The following ZNF837 variants were observed in gnomAD, a reference collection of about 807,000 sequenced individuals.
The protein encoded by ZNF837 is zinc finger protein 837.
For missense variants in ZNF837, 955 were observed against 801.7 expected, an observed-to-expected ratio of 1.19 and a Z score of -2.31; for synonymous variants, 475 against 365.2, an observed-to-expected ratio of 1.30 and a Z score of -3.43.
In ZNF837 at chr19:58,368,466, GTGC is replaced by G; in HGVS notation, c.864_866del (p.Gln288del). 1 of 1,570,528 alleles carries G rather than the reference GTGC, an allele frequency of 6.4e-7. No homozygotes were observed. Among genetic ancestry groups the G allele is most frequent in the Non-Finnish European group, 8.6e-7 (1 of 1,159,910 alleles). ...GCCGCTCGCCCGTGTGGATGCGCTG[GTGC>G]TGCAGCAGGCTGGAGGTGCGCGTGA... On this transcript the variant is annotated inframe_deletion, in exon 3 of 3. Transcript: ENST00000597582.
rs1453945080 is a variant in ZNF837 at position 58,368,305 on chromosome 19, G to A, written c.1028C>T (p.Pro343Leu). Residue 343 changes from proline to leucine, a missense_variant, in exon 3 of 3, where the codon CCC (proline) becomes CTC (leucine). By Grantham distance (98) the Pro-to-Leu change is moderately conservative. Coordinates refer to ENST00000597582, the MANE Select transcript of ZNF837 (RefSeq NM_138466.2). The part of the protein sequence containing the change: ...ARRAFRLGCP[P>L]CGDYSERSPR... ...ACTCCGCTCGCTGTAGTCCCCGCAG[G>A]GCGGGCACCCCAGCCGGAAGGCGCG... 7 of 1,486,108 alleles carry A rather than the reference G, an allele frequency of 4.7e-6. No homozygotes were observed. The highest frequency in any genetic ancestry group is 6.2e-6 in the Non-Finnish European group (7 of 1,127,742). 92.1% of individuals were successfully genotyped at this position (1,486,108 alleles called of 1,614,324 possible). A position where few individuals can be genotyped will look rare whatever the true frequency, so the allele number is the denominator to read the frequency against.
At position 58,369,109 on chromosome 19, in the gene ZNF837, C is replaced by T. The variant is rs2052175766; in HGVS notation, c.224G>A (p.Gly75Asp). The T allele has an allele frequency of 6.7e-7, 1 of 1,500,328 alleles. No homozygotes were observed. Among genetic ancestry groups the T allele is most frequent in the Non-Finnish European group, 8.9e-7 (1 of 1,125,482 alleles). The allele number at this position is 1,500,328 out of a possible 1,614,324, so 92.9% of individuals were successfully genotyped here. Residue 75 changes from glycine (G) to aspartate (D), a missense_variant, in exon 3 of 3, where the codon GGC (glycine) becomes GAC (aspartate). Transcript: ENST00000597582. The stretch of plus-strand genomic sequence containing the variant: ...CCCGGCGCTGTGCCGGGTCCCCGGG[C>T]CGGGGCTCACCCCGAGGCTGCAGCC... Reference protein sequence around the residue: ...SRGCSLGVSPGPGTRHSAGTR... With the variant: ...SRGCSLGVSPDPGTRHSAGTR...
At position 58,367,944 on chromosome 19, in the gene ZNF837, G is replaced by A. The variant is rs1270308766; in HGVS notation, c.1389C>T (p.Arg463=). 2 of 1,533,362 alleles carry A rather than the reference G, an allele frequency of 1.3e-6. No homozygotes were observed. The highest frequency in any genetic ancestry group is 1.4e-5 in the African/African-American group (1 of 72,722). The allele number at this position is 1,533,362 out of a possible 1,614,324, so 95.0% of individuals were successfully genotyped here. Residue 463 remains arginine (R), a synonymous_variant, in exon 3 of 3, where the codon CGC becomes CGT. Coordinates refer to ENST00000597582, the MANE Select transcript of ZNF837 (RefSeq NM_138466.2). The stretch of plus-strand genomic sequence containing the variant: ...CGCCCGAGTGCAGGCGCTCGTGCTG[G>A]CGCAGCTCGGAGCAGCCGCGGAAGG... ...GKTFRGCSEL[R]QHERLHSGEK... is the part of the protein sequence containing the mutation.
chr19:58,377,843 C>T (rs2052261901), intron 1 of ZNF837, among the ~76,000 whole-genome samples: 1 of 152,182 alleles, frequency 6.6e-6, no homozygotes, highest in Non-Finnish European at 1.5e-5. Flanking sequence ...CCATGGAGCT[C>T]TGTCCACACC....
chr19:58,375,313 A>ATATATATATAT lies in ZNF837; in HGVS notation c.-139-5386_-139-5385insATATATATATA, dbSNP rs1568568408. Among the ~76,000 whole-genome samples, 41 of 34,576 alleles carry ATATATATATAT rather than the reference A, an allele frequency of 1.2e-3. 3 individuals are homozygous for ATATATATATAT. Among genetic ancestry groups the ATATATATATAT allele is most frequent in the Non-Finnish European group, 2.1e-3 (31 of 14,966 alleles). The allele number at this position is 34,576 out of a possible 152,430, so 22.7% of individuals were successfully genotyped here. On this transcript the variant is annotated intron_variant, in intron 1 of 2. Transcript: ENST00000597582. ...ATATATATATATATATATATATATA[A>ATATATATATAT]AATTACATATATACTTAAGAGTATA...
At chr19:58,371,621 T>G (rs1441446981) in intron 1 of ZNF837, among the ~76,000 whole-genome samples, 4 of 152,218 alleles carry the variant, frequency 2.6e-5, no homozygotes, top group African/African-American at 9.6e-5. Context: ...TGTGGCACCC[T>G]CGTAAATCAC....
rs1459841043 is a variant in ZNF837 at position 58,367,710 on chromosome 19, G to C, written c.*27C>G. 2 of 1,474,540 alleles carry C rather than the reference G, an allele frequency of 1.4e-6. No individual in the cohort carries two copies. The highest frequency in any genetic ancestry group is 2.9e-5 in the African/African-American group (2 of 70,144). The allele number at this position is 1,474,540 out of a possible 1,614,324, so 91.3% of individuals were successfully genotyped here. ...TCCTCGACGCAGGGTTCGCTTGGGC[G>C]ACGCGTCGACTCTCGGCTCCCTGCA... On this transcript the variant is annotated 3_prime_UTR_variant, in exon 3 of 3. Coordinates refer to ENST00000597582, the MANE Select transcript of ZNF837 (RefSeq NM_138466.2).
At chr19:58,370,917 AAAG>A (rs1202695248) in intron 1 of ZNF837, among the ~76,000 whole-genome samples, 2 of 132,306 alleles carry the variant, frequency 1.5e-5, no homozygotes, top group Non-Finnish European at 3.2e-5. Flanking sequence ...GAAAAAAAGA[AAAG>A]AGAGAGAGAG....
chr19:58,377,926 C>A (rs182246453), intron 1 of ZNF837, among the ~76,000 whole-genome samples: 1 of 152,334 alleles, frequency 6.6e-6, no homozygotes, highest in African/African-American at 2.4e-5. Context: ...TTCTCTCTCT[C>A]GAGTCCATCT....
rs2052150789 is a variant in ZNF837 at position 58,367,891 on chromosome 19, C to T, written c.1442G>A (p.Gly481Asp). Residue 481 changes from glycine (G) to aspartate (D), a missense_variant, in exon 3 of 3, where the codon GGC becomes GAC. Transcript: ENST00000597582. ...GCTGCAGTTGCGCACGAAGGCCTTG[C>T]CGCAGTCGCGGCAGATGTAGGGCTT... ...GEKPYICRDCGKAFVRNCSLV... is the reference protein window; with the variant it reads ...GEKPYICRDCDKAFVRNCSLV... 2 of 1,534,664 alleles carry T rather than the reference C, an allele frequency of 1.3e-6. No individual in the cohort carries two copies.
intron 1 of ZNF837, among the ~76,000 whole-genome samples, chr19:58,380,458 CAG>C (rs1352972375): frequency 6.6e-6 from 1 of 152,246 alleles, no homozygotes; most frequent in Non-Finnish European, 1.5e-5. Context: ...GAACATCAGA[CAG>C]GGAGCAGCGC....
At chr19:58,374,335 G>A (rs6510139) in intron 1 of ZNF837, among the ~76,000 whole-genome samples, 61,266 of 152,100 alleles carry the variant, frequency 0.4, 12,771 homozygotes, top group Middle Eastern at 0.52. Flanking sequence ...TATATCCATA[G>A]AATGGGATAT....
At chr19:58,372,140 C>T (rs530360089) in intron 1 of ZNF837, among the ~76,000 whole-genome samples, 26 of 152,072 alleles carry the variant, frequency 1.7e-4, no homozygotes, top group Admixed American at 1.4e-3. Context: ...CCGCAACCTC[C>T]GCCTCCTGGG....
intron 1 of ZNF837, among the ~76,000 whole-genome samples, chr19:58,372,106 A>T (rs1374915034): frequency 7.1e-6 from 1 of 140,524 alleles, no homozygotes; most frequent in Non-Finnish European, 1.6e-5. Context: ...CCAGGCTGGA[A>T]TGAAGTGGCA....
chr19:58,373,885 G>C (rs1409351496), intron 1 of ZNF837, among the ~76,000 whole-genome samples: 1 of 152,224 alleles, frequency 6.6e-6, no homozygotes, highest in African/African-American at 2.4e-5. Flanking sequence ...AAGTAAATGA[G>C]CTGGAGGGGG....
chr19:58,375,453 G>A (rs1273100744), intron 1 of ZNF837, among the ~76,000 whole-genome samples: 3 of 150,556 alleles, frequency 2.0e-5, no homozygotes, highest in Non-Finnish European at 4.4e-5. Context: ...GTTTTGTTTT[G>A]TTTTGTTTTT....
At chr19:58,374,442 A>G (rs968555278) in intron 1 of ZNF837, among the ~76,000 whole-genome samples, 5 of 152,228 alleles carry the variant, frequency 3.3e-5, no homozygotes, top group African/African-American at 9.6e-5. Flanking sequence ...AAGACCACAT[A>G]TTGCATAATT....
intron 1 of ZNF837, among the ~76,000 whole-genome samples, chr19:58,370,679 T>G (rs2052192110): frequency 6.9e-6 from 1 of 145,790 alleles, no homozygotes; most frequent in Non-Finnish European, 1.5e-5. Context: ...ATGGATCACC[T>G]GAGGTCAGGA....
At chr19:58,380,417 A>G (rs997186196) in intron 1 of ZNF837, among the ~76,000 whole-genome samples, 1 of 152,230 alleles carries the variant, frequency 6.6e-6, no homozygotes, top group Non-Finnish European at 1.5e-5. Context: ...GAAATGAACA[A>G]GAGACCGTTT....
Sources: gnomAD v4.1 joint callset for allele counts (sites outside exome capture counted in the v4.1 genomes callset) on GRCh38, gnomAD v4.1.1 for gene constraint, MANE v1.5 for transcripts, NCBI Gene and HGNC (gene_info 2026-07-23, HGNC 2026-07-21) for gene names.